Variants in KLRG1 observed in about 807,000 individuals in gnomAD.
KLRG1 encodes killer cell lectin-like receptor subfamily G member 1.
In KLRG1, 16 loss-of-function variants were observed where a neutral mutation model predicts 21.8. The observed-to-expected ratio is 0.73, with a 90% confidence interval of 0.50 to 1.11. The LOEUF (loss-of-function observed/expected upper bound fraction) is 1.11. Among genes scored for constraint, KLRG1 ranks in the 50% most tolerant of loss-of-function variants. The pLI, the probability that KLRG1 is intolerant of heterozygous loss-of-function variation, is 0.00. For synonymous variants in KLRG1, 69 were observed against 75.9 expected (o/e 0.91, Z 0.47); for missense variants, 173 against 218.3 (o/e 0.79, Z 1.31).
chr12:9,113,301 A>G, the KLRG1 span: 2 of 1,562,670 alleles, frequency 1.3e-6, no homozygotes, highest in Middle Eastern at 1.7e-4. Context: ...ACAGAATACT[A>G]GATCCCTATG....
the KLRG1 span, among the ~76,000 whole-genome samples, chr12:9,205,452 G>A: frequency 6.6e-6 from 1 of 152,154 alleles, no homozygotes; most frequent in East Asian, 1.9e-4. Flanking sequence ...TCCCAGCAAT[G>A]CTGTAAGGTA....
At chr12:9,080,030 G>T in the KLRG1 span, 1 of 1,090,406 alleles carries the variant, frequency 9.2e-7, no homozygotes. Context: ...AAATATTTAT[G>T]GGAAATAAAA....
At chr12:9,001,429 A>G (rs1342654696) in intron 3 of KLRG1, among the ~76,000 whole-genome samples, 2 of 152,152 alleles carry the variant, frequency 1.3e-5, no homozygotes, top group Non-Finnish European at 2.9e-5. Flanking sequence ...GCCCAGCTAC[A>G]GGTTTTTCCC....
At chr12:9,120,462 A>G in the KLRG1 span, among the ~76,000 whole-genome samples, 1 of 152,220 alleles carries the variant, frequency 6.6e-6, no homozygotes, top group East Asian at 1.9e-4. Context: ...AATGAGAGAA[A>G]TTAGGATTAG....
At chr12:8,950,390 A>C in intron 1 of KLRG1, among the ~76,000 whole-genome samples, 1 of 152,200 alleles carries the variant, frequency 6.6e-6, no homozygotes, top group East Asian at 1.9e-4. Flanking sequence ...ATACGATGGT[A>C]ATCTTTGCGC....
At chr12:9,099,629 C>T in the KLRG1 span, 9 of 1,317,318 alleles carry the variant, frequency 6.8e-6, no homozygotes, top group Non-Finnish European at 8.2e-6. Context: ...TGGATGATTA[C>T]CTCTAAGGAC....
At chr12:9,107,810 T>C in the KLRG1 span, among the ~76,000 whole-genome samples, 1 of 152,244 alleles carries the variant, frequency 6.6e-6, no homozygotes, top group African/African-American at 2.4e-5. Flanking sequence ...ATGGCTCTTA[T>C]AGAAATCTCC....
At chr12:9,064,919 C>G in the KLRG1 span, 1 of 152,340 alleles carries the variant, frequency 6.6e-6, no homozygotes, top group Non-Finnish European at 1.5e-5. The surrounding 1 kb of genome is among the most constrained non-coding windows in gnomAD (Gnocchi z 4.0). Flanking sequence ...TGGGGCGCGT[C>G]TTCAGGGTCC....
At chr12:9,090,098 G>A in the KLRG1 span, 4 of 1,545,298 alleles carry the variant, frequency 2.6e-6, no homozygotes, top group Non-Finnish European at 2.6e-6. Context: ...ATTTAGAAAT[G>A]TTCAATGCTC....
chr12:8,982,808 G>C (rs1324600781), intron 1 of KLRG1, among the ~76,000 whole-genome samples: 1 of 152,018 alleles, frequency 6.6e-6, no homozygotes, highest in Non-Finnish European at 1.5e-5. Flanking sequence ...ACCACGCCTG[G>C]CTATTTTTTG....
the KLRG1 span, among the ~76,000 whole-genome samples, chr12:9,195,856 A>G: frequency 7.1e-6 from 1 of 140,198 alleles, no homozygotes; most frequent in Non-Finnish European, 1.6e-5. Context: ...TATAAGTTAA[A>G]CATATAAAAA....
chr12:9,107,991 C>T, the KLRG1 span, among the ~76,000 whole-genome samples: 4 of 151,916 alleles, frequency 2.6e-5, no homozygotes, highest in Admixed American at 2.6e-4. Context: ...ACAAAAAAAA[C>T]CCAAACGCCC....
At chr12:9,163,684 T>C in the KLRG1 span, 1 of 1,613,820 alleles carries the variant, frequency 6.2e-7, no homozygotes. Context: ...CAACAGGGTT[T>C]TGATGACTGT....
chr12:9,111,480 T>C, the KLRG1 span: 2 of 455,438 alleles, frequency 4.4e-6, no homozygotes, highest in East Asian at 1.4e-4. Context: ...TGACTAGGAC[T>C]AGCTTGCAGC....
At chr12:8,985,639 A>G (rs1946831621), upstream of KLRG1, among the ~76,000 whole-genome samples, 1 of 152,194 alleles carries the variant, frequency 6.6e-6, no homozygotes, top group South Asian at 2.1e-4. Flanking sequence ...GAACTCAGGG[A>G]AACCCTTATG....
the KLRG1 span, among the ~76,000 whole-genome samples, chr12:9,161,999 T>C: frequency 2.0e-5 from 3 of 152,186 alleles, no homozygotes; most frequent in African/African-American, 4.8e-5. Flanking sequence ...TCTCACTCTG[T>C]TGCCCAGGTT....
At chr12:9,105,097 G>A in the KLRG1 span, among the ~76,000 whole-genome samples, 4 of 152,132 alleles carry the variant, frequency 2.6e-5, no homozygotes, top group Non-Finnish European at 4.4e-5. Context: ...TGCTAATATT[G>A]TATTGGCAGT....
the KLRG1 span, chr12:9,068,149 C>T: frequency 1.2e-6 from 2 of 1,612,054 alleles, no homozygotes; most frequent in Non-Finnish European, 1.7e-6. Flanking sequence ...TGAAGGAGCT[C>T]TGACTGCCTT....
the KLRG1 span, chr12:9,158,547 G>A: frequency 1.9e-6 from 3 of 1,614,110 alleles, no homozygotes; most frequent in Non-Finnish European, 2.5e-6. Context: ...TCGAGCCTGG[G>A]CGAAAGTCTT....
Sources: allele counts gnomAD v4.1 joint callset (sites outside exome capture counted in the v4.1 genomes callset), GRCh38; gene constraint gnomAD v4.1.1; non-coding constraint Gnocchi (gnomAD v3.1); transcripts MANE v1.5; gene names NCBI Gene and HGNC (gene_info 2026-07-23, HGNC 2026-07-21).